The following FOXP1 variants were observed in gnomAD, a reference collection of about 807,000 sequenced individuals.
FOXP1 encodes the protein forkhead box P1.
Under a neutral mutation model 98.2 loss-of-function variants are expected in FOXP1, and 15 were observed. The observed-to-expected ratio is 0.15, with a 90% confidence interval of 0.10 to 0.24. FOXP1 has a LOEUF of 0.24. Ranked by LOEUF, FOXP1 falls within the 10% of genes least tolerant of loss-of-function variation. The pLI is 1.00. For synonymous variants in FOXP1, 371 were observed against 314.5 expected (o/e 1.18, Z -1.90); for missense variants, 633 against 848.5 (o/e 0.75, Z 3.15).
rs2108380148 is a variant in FOXP1 at position 71,198,214 on chromosome 3, C to T, written c.168G>A (p.Gln56=). Residue 56 remains glutamine, a synonymous_variant, in exon 6 of 21, where the codon CAG becomes CAA. Transcript: ENST00000649528. ...CAAAGCCCAGTACCTGTTGCTGCTG[C>T]TGCTGGGCGTGGGCGAGGTCAGCTG... ...IGAADLAHAQ[Q]QQQQALQVAR... is the part of the protein sequence containing the mutation. The T allele has an allele frequency of 4.3e-6, 7 of 1,614,118 alleles. No individual in the cohort carries two copies. The highest frequency in any genetic ancestry group is 1.1e-5 in the South Asian group (1 of 91,086).
intron 3 of FOXP1, among the ~76,000 whole-genome samples, chr3:71,375,300 A>G (rs1041216554): frequency 1.3e-5 from 2 of 152,214 alleles, no homozygotes; most frequent in African/African-American, 4.8e-5. Flanking sequence ...TCCTCTCTTA[A>G]TTCTTCCACT....
At chr3:71,026,076 T>C (rs1300811970) in intron 11 of FOXP1, among the ~76,000 whole-genome samples, 1 of 152,168 alleles carries the variant, frequency 6.6e-6, no homozygotes, top group Non-Finnish European at 1.5e-5. Context: ...TACCAACTCA[T>C]AATATGCACA....
At chr3:71,113,635 C>T (rs952209302) in intron 6 of FOXP1, among the ~76,000 whole-genome samples, 2 of 151,212 alleles carry the variant, frequency 1.3e-5, no homozygotes, top group African/African-American at 2.4e-5. Context: ...ATCGCTTGCA[C>T]CTGGGAGGCA....
chr3:71,109,396 T>C (rs1217579334), intron 7 of FOXP1, among the ~76,000 whole-genome samples: 1 of 149,438 alleles, frequency 6.7e-6, no homozygotes, highest in Non-Finnish European at 1.5e-5. Flanking sequence ...ATGCTTAAAA[T>C]ATGAGTCACA....
At chr3:71,418,710 C>G (rs1401680370) in intron 3 of FOXP1, among the ~76,000 whole-genome samples, 1 of 152,042 alleles carries the variant, frequency 6.6e-6, no homozygotes. Flanking sequence ...TAAATCTAAA[C>G]CAAAAGATTA....
rs1553767994 is a variant in FOXP1 at position 71,174,824 on chromosome 3, A to ACACACC, written c.180+23377_180+23378insGGTGTG. ...CACACACACACACACACACACACAC[A>ACACACC]CACCCCAATATACCCCAGGGTAGGA... On this transcript the variant is annotated intron_variant, in intron 6 of 20. Transcript: ENST00000649528. 3.2e-4 allele frequency among the ~76,000 whole-genome samples: 48 copies of ACACACC among 149,390 alleles called. No homozygotes were observed. In the South Asian group the frequency reaches 8.3e-3, roughly 26 times the overall value.
intron 6 of FOXP1, among the ~76,000 whole-genome samples, chr3:71,118,555 T>G (rs1451623986): frequency 6.6e-6 from 1 of 152,174 alleles, no homozygotes; most frequent in Non-Finnish European, 1.5e-5. Context: ...CATAACACAC[T>G]TGGTGACGGG....
chr3:71,305,484 C>G (rs1195258253), intron 4 of FOXP1, among the ~76,000 whole-genome samples: 9 of 152,270 alleles, frequency 5.9e-5, no homozygotes, highest in Admixed American at 5.9e-4. Flanking sequence ...CGGGGAGGAC[C>G]CTGGCCCGGG....
intron 3 of FOXP1, among the ~76,000 whole-genome samples, chr3:71,446,064 AGTGAG>A (rs1560498845): frequency 6.6e-6 from 1 of 151,902 alleles, no homozygotes; most frequent in Non-Finnish European, 1.5e-5. Flanking sequence ...TGAGTGAGTG[AGTGAG>A]TGAGTGAGTG....
At chr3:71,198,165 C>T in intron 6 of FOXP1, 37 bp downstream of exon 6, 1 of 1,613,962 alleles carries the variant, frequency 6.2e-7, no homozygotes, top group Non-Finnish European at 8.5e-7. Context: ...AATTCGCACC[C>T]ACCACCTCCA....
intron 2 of FOXP1, among the ~76,000 whole-genome samples, chr3:71,516,858 A>G (rs1313293665): frequency 6.6e-6 from 1 of 152,204 alleles, no homozygotes; most frequent in Admixed American, 6.5e-5. Flanking sequence ...AAAAGAAAAG[A>G]AAAGAAAAGA....
chr3:70,988,463 C>A (rs2040110319), intron 13 of FOXP1, among the ~76,000 whole-genome samples: 1 of 152,242 alleles, frequency 6.6e-6, no homozygotes, highest in Non-Finnish European at 1.5e-5. Context: ...TGGAAAAACT[C>A]CTAGACAGAT....
chr3:71,056,786 A>G (rs2050703872), intron 7 of FOXP1, among the ~76,000 whole-genome samples: 1 of 152,120 alleles, frequency 6.6e-6, no homozygotes, highest in African/African-American at 2.4e-5. Flanking sequence ...ACATATTCAA[A>G]TAGACCAGAA....
chr3:71,389,279 C>A (rs1350498787), intron 3 of FOXP1, among the ~76,000 whole-genome samples: 2 of 133,402 alleles, frequency 1.5e-5, no homozygotes, highest in African/African-American at 2.9e-5. Context: ...ATAAATTTCA[C>A]CTAAAGGAAA....
chr3:71,444,407 G>A (rs1448782153), intron 3 of FOXP1, among the ~76,000 whole-genome samples: 1 of 151,680 alleles, frequency 6.6e-6, no homozygotes, highest in Non-Finnish European at 1.5e-5. Context: ...TCAAACCCGG[G>A]GGTGGGGACA....
At chr3:71,172,467 G>A (rs952400794) in intron 6 of FOXP1, among the ~76,000 whole-genome samples, 3 of 152,178 alleles carry the variant, frequency 2.0e-5, no homozygotes, top group Admixed American at 6.5e-5. Context: ...CATTTATGTA[G>A]TGTTTCATTG....
intron 5 of FOXP1, chr3:71,296,439 T>C (rs769082651): frequency 5.9e-5 from 9 of 152,226 alleles, no homozygotes; most frequent in Non-Finnish European, 8.8e-5. Flanking sequence ...AAACCTTTTA[T>C]TTCTTTCTAG....
At chr3:71,451,703 G>A (rs1463610361) in intron 3 of FOXP1, among the ~76,000 whole-genome samples, 1 of 152,144 alleles carries the variant, frequency 6.6e-6, no homozygotes, top group Non-Finnish European at 1.5e-5. Context: ...TAGCTTTAGG[G>A]ATACACCATA....
intron 12 of FOXP1, among the ~76,000 whole-genome samples, chr3:71,012,106 C>CT (rs759549227): frequency 6.6e-6 from 1 of 152,122 alleles, no homozygotes; most frequent in Non-Finnish European, 1.5e-5. Flanking sequence ...GACTCTGAAA[C>CT]TGATATATGT....
Sources: allele counts gnomAD v4.1 joint callset (sites outside exome capture counted in the v4.1 genomes callset), GRCh38; gene constraint gnomAD v4.1.1; transcripts MANE v1.5; gene names NCBI Gene and HGNC (gene_info 2026-07-23, HGNC 2026-07-21).